Variants in LINGO1 observed in about 807,000 individuals in gnomAD.
LINGO1 encodes leucine rich repeat and Ig domain containing 1.
A neutral mutation model predicts 37.3 loss-of-function variants in LINGO1; 11 were observed. That is an observed-to-expected ratio of 0.29 (90% CI 0.19 to 0.49). LINGO1 has a LOEUF of 0.49. LINGO1 is among the 20% of genes least tolerant of loss of function. LINGO1 has a pLI of 0.99. For missense variants in LINGO1, 585 were observed against 878.2 expected, an observed-to-expected ratio of 0.67 and a Z score of 4.22; for synonymous variants, 387 against 403.0, an observed-to-expected ratio of 0.96 and a Z score of 0.48.
chr15:77,783,495 T>G (rs2076741204), intron 1 of LINGO1, among the ~76,000 whole-genome samples: 1 of 152,076 alleles, frequency 6.6e-6, no homozygotes, highest in African/African-American at 2.4e-5. Context: ...GGGCTGACAT[T>G]CATGGAACAG....
intron 3 of LINGO1, among the ~76,000 whole-genome samples, chr15:77,658,413 T>C (rs533427138): frequency 1.3e-5 from 2 of 152,364 alleles, no homozygotes; most frequent in African/African-American, 4.8e-5. Flanking sequence ...TGACCAGGCA[T>C]GCTCTGGTGC....
chr15:77,691,695 C>T (rs1244259661), intron 1 of LINGO1, among the ~76,000 whole-genome samples: 3 of 152,054 alleles, frequency 2.0e-5, no homozygotes, highest in Admixed American at 1.3e-4. Flanking sequence ...CAGCAAGACA[C>T]TGCAGGCTGC....
At chr15:77,618,345 C>T (rs894454475) in intron 1 of LINGO1, among the ~76,000 whole-genome samples, 1 of 152,190 alleles carries the variant, frequency 6.6e-6, no homozygotes, top group Non-Finnish European at 1.5e-5. Context: ...CTGAGCAAAG[C>T]CACCTGGGCC....
At chr15:77,767,680 G>C (rs1199597965) in intron 1 of LINGO1, among the ~76,000 whole-genome samples, 2 of 152,156 alleles carry the variant, frequency 1.3e-5, no homozygotes, top group African/African-American at 2.4e-5. Context: ...GTATTATGTT[G>C]AGAGGAGTTG....
In LINGO1 at chr15:77,769,425, C is replaced by T. The variant is rs2076561858; in HGVS notation, c.-257+17444G>A. Among the ~76,000 whole-genome samples the T allele has an allele frequency of 2.0e-5, 3 of 152,204 alleles. No individual in the cohort carries two copies. The South Asian group carries it at 6.2e-4, about 32-fold the overall frequency. ...TGTGACTGGGCCCTTTCTTGCCTCCCACTCGCACACCCTGGGACGTGCTCT... is the reference window on the plus strand; with the variant it reads ...TGTGACTGGGCCCTTTCTTGCCTCCTACTCGCACACCCTGGGACGTGCTCT... On this transcript the variant is annotated intron_variant, in intron 1 of 3. Transcript: ENST00000561686.
rs563522815 is a variant in LINGO1 at position 77,630,176 on chromosome 15, C to T, written c.6+2134G>A. Among the ~76,000 whole-genome samples, 76 of 152,192 alleles carry T rather than the reference C, an allele frequency of 5.0e-4. No individual in the cohort carries two copies. The South Asian group carries it at 0.014, about 27-fold the overall frequency. The stretch of plus-strand genomic sequence containing the variant: ...TGAAACCACCACACCTACTACCCAC[C>T]GCCCCCCACCCTTCCCTGGCTCCAC... On this transcript the variant is annotated intron_variant, in intron 1 of 1. Transcript: ENST00000355300.
At chr15:77,732,798 G>T (rs1244842460) in intron 2 of LINGO1, among the ~76,000 whole-genome samples, 2 of 152,176 alleles carry the variant, frequency 1.3e-5, no homozygotes, top group African/African-American at 4.8e-5. Flanking sequence ...CTCCTTCCCG[G>T]CTCCCATGCC....
intron 1 of LINGO1, chr15:77,786,741 C>G (rs1052871527): frequency 6.6e-6 from 1 of 152,376 alleles, no homozygotes; most frequent in African/African-American, 2.4e-5. Context: ...CCTGGGCTGG[C>G]CACTGAGGGG....
intron 3 of LINGO1, among the ~76,000 whole-genome samples, chr15:77,674,617 C>A (rs989273721): frequency 1.3e-5 from 2 of 152,110 alleles, no homozygotes; most frequent in Admixed American, 1.3e-4. Flanking sequence ...CTCAGACCTG[C>A]TGTTCCCTCT....
intron 1 of LINGO1, among the ~76,000 whole-genome samples, chr15:77,744,563 GC>G (rs1300309525): frequency 6.6e-6 from 1 of 152,146 alleles, no homozygotes; most frequent in Non-Finnish European, 1.5e-5. Context: ...AATAACAAAA[GC>G]CGCTAACTTG....
At chr15:77,790,170 C>A (rs1013754472), upstream of LINGO1, among the ~76,000 whole-genome samples, 4 of 152,196 alleles carry the variant, frequency 2.6e-5, no homozygotes, top group Non-Finnish European at 4.4e-5. Context: ...CTATAGCAGC[C>A]TAGCAAACTA....
chr15:77,701,506 G>A (rs1403699312), intron 2 of LINGO1, among the ~76,000 whole-genome samples: 1 of 152,110 alleles, frequency 6.6e-6, no homozygotes, highest in African/African-American at 2.4e-5. Flanking sequence ...ATATAGTTTG[G>A]GTGTCTGTCG....
intron 1 of LINGO1, among the ~76,000 whole-genome samples, chr15:77,810,612 C>T (rs1173624962): frequency 6.6e-6 from 1 of 152,192 alleles, no homozygotes; most frequent in African/African-American, 2.4e-5. Flanking sequence ...CCATGAGACA[C>T]AAGACAGAAC....
At chr15:77,747,270 C>T (rs1209263099) in intron 1 of LINGO1, among the ~76,000 whole-genome samples, 1 of 152,216 alleles carries the variant, frequency 6.6e-6, no homozygotes, top group East Asian at 1.9e-4. Flanking sequence ...GGGAGCACTT[C>T]TGATAGCACT....
At chr15:77,776,762 C>G (rs764042329) in intron 1 of LINGO1, among the ~76,000 whole-genome samples, 2 of 152,198 alleles carry the variant, frequency 1.3e-5, no homozygotes, top group East Asian at 1.9e-4. Flanking sequence ...TCTACCGCAG[C>G]CTTGGCCCTC....
chr15:77,769,266 A>G (rs1400572071), intron 1 of LINGO1, among the ~76,000 whole-genome samples: 1 of 152,158 alleles, frequency 6.6e-6, no homozygotes, highest in Admixed American at 6.5e-5. Flanking sequence ...ATGAGCAGAA[A>G]TTTGCCAGGA....
chr15:77,622,071 C>T (rs987564711), intron 1 of LINGO1, among the ~76,000 whole-genome samples: 12 of 152,168 alleles, frequency 7.9e-5, no homozygotes, highest in African/African-American at 2.9e-4. Context: ...CCCGCCGTGC[C>T]CGTGACTGAT....
At chr15:77,756,643 C>A (rs1490636039) in intron 1 of LINGO1, among the ~76,000 whole-genome samples, 1 of 152,348 alleles carries the variant, frequency 6.6e-6, no homozygotes, top group East Asian at 1.9e-4. Context: ...CATTTTCCCG[C>A]ATCTGGCGTC....
intron 1 of LINGO1, among the ~76,000 whole-genome samples, chr15:77,814,338 T>C (rs1302712409): frequency 6.6e-6 from 1 of 152,222 alleles, no homozygotes; most frequent in South Asian, 2.1e-4. Flanking sequence ...TGCCCTCAGT[T>C]TTCTCATCTG....
Sources: gnomAD v4.1 joint callset for allele counts (sites outside exome capture counted in the v4.1 genomes callset) on GRCh38, gnomAD v4.1.1 for gene constraint, MANE v1.5 for transcripts, NCBI Gene and HGNC (gene_info 2026-07-23, HGNC 2026-07-21) for gene names.